The following CCDC3 variants were observed in gnomAD, a reference collection of about 807,000 sequenced individuals.
CCDC3 encodes coiled-coil domain containing 3.
A neutral mutation model predicts 21.4 loss-of-function variants in CCDC3; 24 were observed. That is an observed-to-expected ratio of 1.12 (90% CI 0.81 to 1.58). CCDC3 has a LOEUF of 1.58. Ranked by LOEUF, CCDC3 falls within the 40% of genes most tolerant of loss-of-function variation. The probability of loss-of-function intolerance (pLI) is 0.00; values close to 1 mark genes in which losing one functional copy is unlikely to be tolerated. For synonymous variants in CCDC3, 186 were observed against 166.0 expected (o/e 1.12, Z -0.93); for missense variants, 425 against 360.9 (o/e 1.18, Z -1.44).
At chr10:13,059,465 G>C (rs1836726406) in intron 4 of CCDC3, among the ~76,000 whole-genome samples, 1 of 152,174 alleles carries the variant, frequency 6.6e-6, no homozygotes. Context: ...GGGAGGTAAA[G>C]ACAATAAATG....
rs994663974 is a variant in CCDC3 at position 12,896,888 on chromosome 10, GTC to G, written c.*1526_*1527del. The G allele has an allele frequency of 6.6e-6, 1 of 151,984 alleles. No individual in the cohort carries two copies. 9.4% of individuals were successfully genotyped at this position (151,984 alleles called of 1,614,324 possible). A position where few individuals can be genotyped will look rare whatever the true frequency, so the allele number is the denominator to read the frequency against. On this transcript the variant is annotated 3_prime_UTR_variant, in exon 3 of 3. Transcript: ENST00000378825. Reference sequence around the variant, plus strand: ...GCCGTGTGAGTGCCCCAGGGTAAAAGTCTCTCTTCTGTCCAGTCCAGAGCAGA... The same window carrying G: ...GCCGTGTGAGTGCCCCAGGGTAAAAGTCTCTTCTGTCCAGTCCAGAGCAGA...
chr10:12,898,464 C>T lies in CCDC3; in HGVS notation c.765G>A (p.Pro255=), dbSNP rs374950220. ...GCACGGGCCCCCGGGCATTGATGTG[C>T]GGCAGCGCGCCCGCCGCCAGCTTCT... ...LSEKLAAGAL[P]HINARGPVRP... Residue 255 remains proline (P), a synonymous_variant, in exon 3 of 3, where the codon CCG becomes CCA. Transcript: ENST00000378825. 2.5e-6 allele frequency: 4 copies of T among 1,612,304 alleles called. No individual in the cohort carries two copies. Among genetic ancestry groups the T allele is most frequent in the South Asian group, 1.1e-5 (1 of 91,024 alleles).
At chr10:12,923,160 T>C (rs1834478488) in intron 2 of CCDC3, among the ~76,000 whole-genome samples, 1 of 152,196 alleles carries the variant, frequency 6.6e-6, no homozygotes, top group Admixed American at 6.5e-5. Context: ...ACCCACCATC[T>C]GGAAGTTTAA....
At chr10:13,047,115 C>T (rs1489136144) in intron 5 of CCDC3, among the ~76,000 whole-genome samples, 4 of 152,124 alleles carry the variant, frequency 2.6e-5, no homozygotes, top group East Asian at 1.9e-4. Flanking sequence ...CTCCATTTAG[C>T]GGCAATGGCT....
At chr10:12,908,401 AGAGT>A in intron 2 of CCDC3, among the ~76,000 whole-genome samples, 1 of 152,172 alleles carries the variant, frequency 6.6e-6, no homozygotes. Context: ...ATAGACTACA[AGAGT>A]GAGTGTCAAG....
At chr10:12,933,455 TTTA>T (rs1012970945) in intron 2 of CCDC3, among the ~76,000 whole-genome samples, 14 of 64,280 alleles carry the variant, frequency 2.2e-4, no homozygotes, top group South Asian at 9.4e-4. Context: ...TAATATTCCC[TTTA>T]TTTTTTTTTT....
rs188164252 is a variant in CCDC3 at position 13,042,139 on chromosome 10, C to T, written c.-2+7535G>A. Among the ~76,000 whole-genome samples, 185 of 152,300 alleles carry T rather than the reference C, an allele frequency of 1.2e-3. 1 individual carries two copies. The highest frequency in any genetic ancestry group is 0.011 in the Admixed American group (174 of 15,304). ...GCCTGGATCCAAATATTAACGATGC[C>T]GTTTCCTGCTGTGTGATCCCGTGCA... On this transcript the variant is annotated intron_variant, in intron 5 of 6. Coordinates refer to the CCDC3 transcript ENST00000378839.
At chr10:12,905,259 T>C (rs763494034) in intron 2 of CCDC3, among the ~76,000 whole-genome samples, 1 of 152,280 alleles carries the variant, frequency 6.6e-6, no homozygotes, top group Non-Finnish European at 1.5e-5. Context: ...GTGAATAAAG[T>C]TTTATTAGAC....
chr10:12,907,574 G>A (rs1440775124), intron 2 of CCDC3, among the ~76,000 whole-genome samples: 1 of 152,198 alleles, frequency 6.6e-6, no homozygotes, highest in East Asian at 1.9e-4. Context: ...GACCCGAGAG[G>A]AGGAGTTGGC....
At chr10:13,065,587 G>T (rs1836811818) in intron 4 of CCDC3, among the ~76,000 whole-genome samples, 1 of 152,178 alleles carries the variant, frequency 6.6e-6, no homozygotes, top group South Asian at 2.1e-4. Flanking sequence ...ATTACGATAT[G>T]AAGCTAATGC....
intron 2 of CCDC3, among the ~76,000 whole-genome samples, chr10:12,936,857 G>A (rs555051815): frequency 6.6e-6 from 1 of 152,346 alleles, no homozygotes; most frequent in African/African-American, 2.4e-5. Context: ...AGGCTACAGT[G>A]AGTTGTGATT....
upstream of CCDC3, among the ~76,000 whole-genome samples, chr10:13,003,745 C>A (rs1313534890): frequency 6.6e-6 from 1 of 152,242 alleles, no homozygotes; most frequent in Admixed American, 6.5e-5. Context: ...AAGGCCCTCT[C>A]TTTTCTTTCC....
Position 12,901,288 on chromosome 10 carries a change from G to GAGAT in CCDC3, c.550-2613_550-2610dup, listed in dbSNP as rs1247639013. Among the ~76,000 whole-genome samples the GAGAT allele has an allele frequency of 2.0e-5, 3 of 151,540 alleles. No individual in the cohort carries two copies. The East Asian group carries it at 5.8e-4, about 30-fold the overall frequency. On this transcript the variant is annotated intron_variant, in intron 2 of 2. Coordinates refer to ENST00000378825, the MANE Select transcript of CCDC3 (RefSeq NM_031455.4). ...ATTTTTTCTTTTCTTTTCTTTTTTT[G>GAGAT]AGATGGAGTCTTGCTGTGTCGCCAG...
Position 13,061,979 on chromosome 10 carries a change from C to CA in CCDC3, c.-270+11888dup, listed in dbSNP as rs1217587113. Among the ~76,000 whole-genome samples, 5 of 151,496 alleles carry CA rather than the reference C, an allele frequency of 3.3e-5. No homozygotes were observed. The East Asian group carries it at 5.8e-4, about 18-fold the overall frequency. On this transcript the variant is annotated intron_variant, in intron 4 of 6. Transcript: ENST00000378839. ...AGATGTAAATTTCCCCCCCACCACC[C>CA]AGAAAGGACAGTTTTACAGGGCCAT...
Position 13,036,961 on chromosome 10 carries a change from T to C in CCDC3, c.-2+12713A>G, listed in dbSNP as rs991976436. On this transcript the variant is annotated intron_variant, in intron 5 of 6. Transcript: ENST00000378839. ...TGCCCAGCTGATTTTCTTTGTTTAT[T>C]TTTTGTAGAGATAGGGTCTCACTGT... 1.4e-4 allele frequency among the ~76,000 whole-genome samples: 21 copies of C among 151,812 alleles called. 1 individual carries two copies. The highest frequency in any genetic ancestry group is 4.6e-4 in the Admixed American group (7 of 15,228).
chr10:13,055,030 T>C (rs1419086130), intron 4 of CCDC3, among the ~76,000 whole-genome samples: 1 of 152,108 alleles, frequency 6.6e-6, no homozygotes, highest in African/African-American at 2.4e-5. Flanking sequence ...CTCTGCCCCA[T>C]GTGGTGTGGA....
intron 2 of CCDC3, among the ~76,000 whole-genome samples, chr10:12,918,126 G>C (rs1335100408): frequency 6.6e-6 from 1 of 152,132 alleles, no homozygotes; most frequent in Non-Finnish European, 1.5e-5. Flanking sequence ...CTACCCATCT[G>C]TATTACCTCC....
chr10:12,988,717 T>C (rs1835636307), intron 2 of CCDC3, among the ~76,000 whole-genome samples: 2 of 152,164 alleles, frequency 1.3e-5, no homozygotes, highest in Admixed American at 1.3e-4. Context: ...CATTCATTGA[T>C]GTAGTGACTG....
At chr10:12,985,400 T>C (rs1191603755) in intron 2 of CCDC3, among the ~76,000 whole-genome samples, 1 of 152,226 alleles carries the variant, frequency 6.6e-6, no homozygotes, top group South Asian at 2.1e-4. Flanking sequence ...AGACTTACCA[T>C]ACAACCCAGC....
Sources: gnomAD v4.1 joint callset for allele counts (sites outside exome capture counted in the v4.1 genomes callset) on GRCh38, gnomAD v4.1.1 for gene constraint, MANE v1.5 for transcripts, NCBI Gene and HGNC (gene_info 2026-07-23, HGNC 2026-07-21) for gene names.